Variants in DLG5 observed in about 807,000 individuals in gnomAD.
DLG5 encodes the protein disks large homolog 5.
Under a neutral mutation model 189.8 loss-of-function variants are expected in DLG5, and 48 were observed. That is an observed-to-expected ratio of 0.25 (90% CI 0.20 to 0.32). The LOEUF (loss-of-function observed/expected upper bound fraction) is 0.32. Among genes scored for constraint, DLG5 ranks in the 10% least tolerant of loss-of-function variants. The probability of loss-of-function intolerance (pLI) is 1.00; values close to 1 mark genes in which losing one functional copy is unlikely to be tolerated. For missense variants in DLG5, 2,160 were observed against 2,544.7 expected, an observed-to-expected ratio of 0.85 and a Z score of 3.25; for synonymous variants, 1,016 against 1,054.1, an observed-to-expected ratio of 0.96 and a Z score of 0.70.
rs148412525 is a variant in DLG5 at position 77,894,034 on chromosome 10, A to G, written c.305-24837T>C. ...CCAAGCCACCAATGGAAGGCCTCAC[A>G]TAGGAAGCTGTGGGTGGAAGATGGT... On this transcript the variant is annotated intron_variant, in intron 1 of 31. Transcript: ENST00000372391. Among the ~76,000 whole-genome samples, 551 of 152,376 alleles carry G rather than the reference A, an allele frequency of 3.6e-3. 3 individuals are homozygous for G. The highest frequency in any genetic ancestry group is 0.024 in the South Asian group (118 of 4,832).
chr10:77,829,363 C>T lies in DLG5; in HGVS notation c.2177G>A (p.Gly726Glu). 1 of 1,613,974 alleles carries T rather than the reference C, an allele frequency of 6.2e-7. No homozygotes were observed. Among genetic ancestry groups the T allele is most frequent in the Non-Finnish European group, 8.5e-7 (1 of 1,180,038 alleles). ...GTTCACAGGCCCGCTACCTTTCTGTCCACTGAGGTTGATGTGCAGCGGCGT... is the reference window on the plus strand; with the variant it reads ...GTTCACAGGCCCGCTACCTTTCTGTTCACTGAGGTTGATGTGCAGCGGCGT... ...VVTPLHINLS[G>E]QKDSGISLEN... Residue 726 changes from glycine to glutamate, a missense_variant, in exon 12 of 32, where the codon GGA (glycine) becomes GAA (glutamate). Coordinates refer to ENST00000372391, the MANE Select transcript of DLG5 (RefSeq NM_004747.4).
At chr10:77,903,225 C>T (rs1845981099) in intron 1 of DLG5, among the ~76,000 whole-genome samples, 1 of 151,982 alleles carries the variant, frequency 6.6e-6, no homozygotes, top group African/African-American at 2.4e-5. Context: ...GTCAGGAGTT[C>T]GAGGCCAGCC....
At chr10:77,873,903 C>G (rs900994367) in intron 1 of DLG5, among the ~76,000 whole-genome samples, 2 of 152,162 alleles carry the variant, frequency 1.3e-5, no homozygotes, top group Non-Finnish European at 2.9e-5. Flanking sequence ...CTCTGGGGTC[C>G]CTGAAGACAG....
intron 5 of DLG5, among the ~76,000 whole-genome samples, chr10:77,851,880 G>T (rs1415727697): frequency 2.0e-5 from 3 of 152,192 alleles, no homozygotes; most frequent in Admixed American, 6.5e-5. Flanking sequence ...AGGGCAGGTC[G>T]CCCCAGAGGG....
At chr10:77,856,171 C>T (rs914231561) in intron 3 of DLG5, among the ~76,000 whole-genome samples, 5 of 151,794 alleles carry the variant, frequency 3.3e-5, no homozygotes, top group African/African-American at 1.2e-4. Context: ...AAAGAAAGAC[C>T]CTGCTGCTAC....
intron 8 of DLG5, among the ~76,000 whole-genome samples, chr10:77,834,783 G>A (rs971322156): frequency 6.6e-6 from 1 of 152,058 alleles, no homozygotes; most frequent in Admixed American, 6.5e-5. Flanking sequence ...CCGTGGAAGG[G>A]GTCTGAGCAG....
At chr10:77,921,952 T>A (rs1846547309) in intron 1 of DLG5, among the ~76,000 whole-genome samples, 1 of 152,172 alleles carries the variant, frequency 6.6e-6, no homozygotes, top group Admixed American at 6.5e-5. Context: ...AGTCCCACAT[T>A]TAGATGGTAA....
Position 77,926,394 on chromosome 10 carries a change from G to A in DLG5, c.127C>T (p.Gln43Ter). The change falls in exon 1 of 32, where the codon CAG becomes TAG. Residue 43 changes from glutamine (Q) to a stop codon, truncating the protein, a stop_gained. Coordinates refer to ENST00000372391, the MANE Select transcript of DLG5 (RefSeq NM_004747.4). LOFTEE classifies it high-confidence loss of function. The surrounding 1 kb of genome is among the most constrained non-coding windows in gnomAD (Gnocchi z 5.2). ...AGALSPGERR[Q>*]LDEEAGGAKA... Reference sequence around the variant, plus strand: ...GCGCCTCCCGCCTCCTCGTCCAGCTGCCGCCGCTCGCCGGGACTGAGCGCT... The same window carrying A: ...GCGCCTCCCGCCTCCTCGTCCAGCTACCGCCGCTCGCCGGGACTGAGCGCT... 1 of 1,588,602 alleles carries A rather than the reference G, an allele frequency of 6.3e-7. No individual in the cohort carries two copies. Among genetic ancestry groups the A allele is most frequent in the East Asian group, 2.3e-5 (1 of 43,838 alleles).
intron 5 of DLG5, among the ~76,000 whole-genome samples, chr10:77,844,870 A>AG (rs1247259117): frequency 6.6e-6 from 1 of 152,100 alleles, no homozygotes; most frequent in Non-Finnish European, 1.5e-5. Flanking sequence ...CTGGGCAGAG[A>AG]GGGGGGCAGG....
intron 1 of DLG5, among the ~76,000 whole-genome samples, chr10:77,915,354 G>C (rs1846330535): frequency 6.6e-6 from 1 of 151,980 alleles, no homozygotes; most frequent in Non-Finnish European, 1.5e-5. Flanking sequence ...GGAACGTTTA[G>C]TGTTTTGGTA....
At chr10:77,864,729 G>A (rs989825328) in intron 2 of DLG5, among the ~76,000 whole-genome samples, 9 of 152,226 alleles carry the variant, frequency 5.9e-5, no homozygotes, top group African/African-American at 2.2e-4. Flanking sequence ...TGTTTTACTG[G>A]CTATCCAGCA....
chr10:77,838,305 A>C (rs906092343), intron 7 of DLG5, among the ~76,000 whole-genome samples: 2 of 152,172 alleles, frequency 1.3e-5, no homozygotes, highest in African/African-American at 4.8e-5. Flanking sequence ...AACAGACAGC[A>C]GTGGCCTACA....
intron 2 of DLG5, chr10:77,868,719 G>A (rs973029041): frequency 4.3e-6 from 1 of 233,108 alleles, no homozygotes; most frequent in Non-Finnish European, 8.4e-6. Flanking sequence ...TGGGCTTTCT[G>A]AAACCCATAT....
rs143470824 is a variant in DLG5 at position 77,830,413 on chromosome 10, C to T, written c.1882-69G>A. The T allele has an allele frequency of 2.7e-3, 4,248 of 1,602,494 alleles. 12 individuals are homozygous for T. The highest frequency in any genetic ancestry group is 3.0e-3 in the Non-Finnish European group (3,466 of 1,173,778). Reference sequence around the variant, plus strand: ...ACAGAGACATTTGGCTCTTAAGCCCCGAAGCTGCCCACTCCAATGTGGGGG... The same window carrying T: ...ACAGAGACATTTGGCTCTTAAGCCCTGAAGCTGCCCACTCCAATGTGGGGG... On this transcript the variant is annotated intron_variant, in intron 10 of 31. Coordinates refer to ENST00000372391, the MANE Select transcript of DLG5 (RefSeq NM_004747.4).
At chr10:77,889,291 G>GA (rs112297100) in intron 1 of DLG5, 4,540 of 134,472 alleles carry the variant, frequency 0.034, 245 homozygotes, top group African/African-American at 0.12. Flanking sequence ...AGTCACTAGG[G>GA]AAAAAAAAAA....
At chr10:77,833,884 C>T (rs780595173) in intron 9 of DLG5, 30 bp downstream of exon 9, 1 of 1,601,752 alleles carries the variant, frequency 6.2e-7, no homozygotes, top group Non-Finnish European at 8.5e-7. Context: ...AGATGCATGC[C>T]CACTCCAGCG....
chr10:77,917,286 G>T (rs1178066691), intron 1 of DLG5, among the ~76,000 whole-genome samples: 4 of 151,980 alleles, frequency 2.6e-5, no homozygotes, highest in African/African-American at 9.7e-5. Context: ...AGCTTGCAGT[G>T]AGCCGAGATC....
At chr10:77,881,571 G>A (rs1274014361) in intron 1 of DLG5, among the ~76,000 whole-genome samples, 1 of 152,224 alleles carries the variant, frequency 6.6e-6, no homozygotes, top group Non-Finnish European at 1.5e-5. Flanking sequence ...CCCCTCAGAA[G>A]AGACTAGTAC....
chr10:77,843,576 T>C lies in DLG5; in HGVS notation c.995A>G (p.Asn332Ser), dbSNP rs759427152. Residue 332 changes from asparagine to serine, a missense_variant, in exon 6 of 32, where the codon AAT becomes AGT. Physicochemically the swap from Asn to Ser is conservative, Grantham distance 46. Coordinates refer to ENST00000372391, the MANE Select transcript of DLG5 (RefSeq NM_004747.4). ...CTGCTCCAGGCGGCTCAGGTCTGCA[T>C]TGTGGATGGCGACTTTCTCACTGTA... ...KRYSEKVAIHNADLSRLEQLG... is the reference protein window; with the variant it reads ...KRYSEKVAIHSADLSRLEQLG... 3.7e-6 allele frequency: 6 copies of C among 1,614,032 alleles called. No homozygotes were observed. In the African/African-American group the frequency reaches 6.7e-5, roughly 18 times the overall value.
Sources: gnomAD v4.1 joint callset for allele counts (sites outside exome capture counted in the v4.1 genomes callset) on GRCh38, gnomAD v4.1.1 for gene constraint, Gnocchi (gnomAD v3.1) non-coding constraint, MANE v1.5 for transcripts, NCBI Gene and HGNC (gene_info 2026-07-23, HGNC 2026-07-21) for gene names.